EPS15: variants seen among roughly 807,000 people sequenced by gnomAD.
EPS15 encodes epidermal growth factor receptor substrate 15.
In EPS15, 72 loss-of-function variants were observed where a neutral mutation model predicts 113.8. The ratio of observed to expected loss-of-function variants is 0.63; its 90% CI spans 0.52 to 0.77. The LOEUF is 0.77. EPS15 is among the 30% of genes least tolerant of loss of function. The pLI, the probability that EPS15 is intolerant of heterozygous loss-of-function variation, is 0.00. For missense variants in EPS15, 1,048 were observed against 1,045.8 expected (o/e 1.00, Z -0.03); for synonymous variants, 344 against 363.4 (o/e 0.95, Z 0.61).
At chr1:51,417,666 A>C (rs1387137841) in intron 13 of EPS15, among the ~76,000 whole-genome samples, 1 of 152,216 alleles carries the variant, frequency 6.6e-6, no homozygotes, top group Non-Finnish European at 1.5e-5. Context: ...GTGGACCAAG[A>C]GACAGAGAAG....
Position 51,363,857 on chromosome 1 carries a change from C to G in EPS15, c.2359+9G>C, listed in dbSNP as rs1646444301. On this transcript the variant is annotated intron_variant, in intron 23 of 24. Coordinates refer to ENST00000371733, the MANE Select transcript of EPS15 (RefSeq NM_001981.3). ...GCAGTTGACTGAAGAAAAGTACCAACTCTCATACCAGGTGGTAGAGGGCAG... is the reference window on the plus strand; with the variant it reads ...GCAGTTGACTGAAGAAAAGTACCAAGTCTCATACCAGGTGGTAGAGGGCAG... 3.7e-6 allele frequency: 6 copies of G among 1,606,504 alleles called. No individual in the cohort carries two copies. Among genetic ancestry groups the G allele is most frequent in the Non-Finnish European group, 5.1e-6 (6 of 1,176,778 alleles).
chr1:51,359,443 TAAAAAAAA>T (rs148380501), intron 24 of EPS15, among the ~76,000 whole-genome samples: 11 of 104,058 alleles, frequency 1.1e-4, no homozygotes, highest in African/African-American at 3.7e-4. Flanking sequence ...ACTCTGTCTT[TAAAAAAAA>T]AAAAAAAAAA....
intron 21 of EPS15, among the ~76,000 whole-genome samples, chr1:51,388,234 G>A (rs1034472099): frequency 3.0e-4 from 46 of 152,264 alleles, no homozygotes; most frequent in Admixed American, 1.8e-3. Flanking sequence ...GGTACATAAC[G>A]AAATGAAGGC....
At chr1:51,411,362 A>C (rs529843727) in intron 13 of EPS15, among the ~76,000 whole-genome samples, 141 of 151,990 alleles carry the variant, frequency 9.3e-4, no homozygotes, top group African/African-American at 3.1e-3. Context: ...AGTATCATCA[A>C]CTCTGCAAAG....
intron 6 of EPS15, 122 bp from the exon 7 acceptor site, chr1:51,463,920 T>C: frequency 4.1e-6 from 2 of 488,800 alleles, no homozygotes; most frequent in Non-Finnish European, 7.1e-6. Context: ...TAAAAAACAT[T>C]TTTCACTTTC....
intron 21 of EPS15, among the ~76,000 whole-genome samples, chr1:51,368,760 G>A (rs1646570682): frequency 6.6e-6 from 1 of 151,912 alleles, no homozygotes; most frequent in African/African-American, 2.4e-5. Flanking sequence ...ACCACACCTG[G>A]CTAATTCTTT....
chr1:51,500,749 C>A (rs1011881356), intron 1 of EPS15, among the ~76,000 whole-genome samples: 3 of 152,062 alleles, frequency 2.0e-5, no homozygotes, highest in African/African-American at 7.2e-5. Context: ...CTTTGGGAGG[C>A]TGAGGTGGGA....
intron 13 of EPS15, among the ~76,000 whole-genome samples, chr1:51,411,165 A>C (rs1243923883): frequency 1.3e-5 from 2 of 152,226 alleles, no homozygotes; most frequent in Non-Finnish European, 2.9e-5. Context: ...ACACTGAACA[A>C]TGCTTTCAAT....
intron 12 of EPS15, chr1:51,423,589 T>G: frequency 4.1e-6 from 4 of 985,374 alleles, no homozygotes; most frequent in Non-Finnish European, 4.8e-6. Flanking sequence ...TCCTGGTTTC[T>G]GAAAGTAGAT....
In EPS15 at chr1:51,477,388, T is replaced by A. The variant is rs151189076; in HGVS notation, c.75+3885A>T. ...GCTAGTGGTCTATCAATTTTGTTGA[T>A]CTTTTCAAAAAACCAGCTTCTGGAT... On this transcript the variant is annotated intron_variant, in intron 2 of 24. Transcript: ENST00000371733. Among the ~76,000 whole-genome samples the A allele has an allele frequency of 3.5e-4, 53 of 152,282 alleles. No homozygotes were observed. The East Asian group carries it at 9.5e-3, about 27-fold the overall frequency.
At chr1:51,515,777 T>C (rs539502613) in intron 1 of EPS15, among the ~76,000 whole-genome samples, 2 of 152,354 alleles carry the variant, frequency 1.3e-5, no homozygotes, top group South Asian at 4.1e-4. Flanking sequence ...AAGCATCTAG[T>C]ACATAGAGAA....
At position 51,440,426 on chromosome 1, in the gene EPS15, T is replaced by A; in HGVS notation, c.961A>T (p.Ile321Leu). ...AAATCTGCAACAGGACTTGATCCTA[T>A]GATGTTCTAAAAACAAAAAGTTCAC... The part of the protein sequence containing the change: ...SDRASLQKNI[I>L]GSSPVADFSA... Residue 321 changes from isoleucine (I) to leucine (L), a missense_variant, in exon 12 of 25, where the codon ATA becomes TTA. Physicochemically the swap from Ile to Leu is conservative, Grantham distance 5. Transcript: ENST00000371733. 6.4e-7 allele frequency: 1 copy of A among 1,558,692 alleles called. No homozygotes were observed. The highest frequency in any genetic ancestry group is 8.8e-7 in the Non-Finnish European group (1 of 1,142,342).
At position 51,409,579 on chromosome 1, in the gene EPS15, G is replaced by A; in HGVS notation, c.1231C>T (p.Gln411Ter). ...CATTTCTTTCTGACTTCCTTGAGTT[G>A]CTCCTCCAGCTGGGCTTTCTGCTCA... ...LDEQKAQLEE[Q>*]LKEVRKKCAE... Residue 411 changes from glutamine (Q) to a stop codon, truncating the protein, a stop_gained, in exon 14 of 25, where the codon CAA (glutamine) becomes TAA (stop). Transcript: ENST00000371733. LOFTEE classifies it high-confidence loss of function. The A allele has an allele frequency of 6.2e-7, 1 of 1,613,934 alleles. No homozygotes were observed. Among genetic ancestry groups the A allele is most frequent in the Non-Finnish European group, 8.5e-7 (1 of 1,179,952 alleles).
intron 12 of EPS15, among the ~76,000 whole-genome samples, chr1:51,436,279 G>C (rs1402097492): frequency 6.6e-6 from 1 of 152,162 alleles, no homozygotes; most frequent in Non-Finnish European, 1.5e-5. Context: ...GATCTGAGTT[G>C]TATTTTATAT....
intron 12 of EPS15, 78 bp from the exon 13 acceptor site, chr1:51,421,936 T>C (rs1264438597): frequency 1.3e-6 from 2 of 1,578,702 alleles, no homozygotes; most frequent in Non-Finnish European, 1.7e-6. Context: ...CTCCTAATCC[T>C]GAATCGCTTT....
chr1:51,384,749 A>C (rs1240870874), intron 21 of EPS15, among the ~76,000 whole-genome samples: 1 of 152,202 alleles, frequency 6.6e-6, no homozygotes, highest in Admixed American at 6.5e-5. Context: ...AATACAAACC[A>C]TATAGATCAA....
Position 51,468,457 on chromosome 1 carries a change from T to C in EPS15, c.309+16A>G. On this transcript the variant is annotated intron_variant, in intron 5 of 24. Transcript: ENST00000371733. ...TTAAAAATTAAATACAATTTAAATC[T>C]AAAAGCATTTCTTACAAATCTTGGT... is the stretch of plus-strand genomic sequence containing the variant. The C allele has an allele frequency of 1.3e-6, 2 of 1,519,154 alleles. No homozygotes were observed. Among genetic ancestry groups the C allele is most frequent in the Non-Finnish European group, 1.8e-6 (2 of 1,093,526 alleles). 94.1% of individuals were successfully genotyped at this position (1,519,154 alleles called of 1,614,324 possible). A position where few individuals can be genotyped will look rare whatever the true frequency, so the allele number is the denominator to read the frequency against.
At chr1:51,499,266 C>T (rs189764989) in intron 1 of EPS15, among the ~76,000 whole-genome samples, 2 of 152,270 alleles carry the variant, frequency 1.3e-5, no homozygotes, top group East Asian at 3.9e-4. Context: ...TTGTGTTTGG[C>T]TTATTTCATT....
chr1:51,448,047 G>T lies in EPS15; in HGVS notation c.650C>A (p.Thr217Lys). 6.2e-7 allele frequency: 1 copy of T among 1,613,358 alleles called. No individual in the cohort carries two copies. The highest frequency in any genetic ancestry group is 8.5e-7 in the Non-Finnish European group (1 of 1,179,436). ...PALVPPSKRK[T>K]WVVSPAEKAK... ...CCGCACAGAGCCTGATATACTGACC[G>T]TTTTTCTCTTAGATGGTGGCACCAA... Residue 217 changes from threonine to lysine, a missense_variant and splice_region_variant, in exon 9 of 25, where the codon ACG becomes AAG. Thr to Lys is a moderately conservative substitution (Grantham distance 78). Coordinates refer to ENST00000371733, the MANE Select transcript of EPS15 (RefSeq NM_001981.3).
Sources: allele counts gnomAD v4.1 joint callset (sites outside exome capture counted in the v4.1 genomes callset), GRCh38; gene constraint gnomAD v4.1.1; transcripts MANE v1.5; gene names NCBI Gene and HGNC (gene_info 2026-07-23, HGNC 2026-07-21).